ISLR: variants seen among roughly 807,000 people sequenced by gnomAD.
The protein encoded by ISLR is immunoglobulin superfamily containing leucine rich repeat, also known as immunoglobulin superfamily containing leucine-rich repeat protein.
Under a neutral mutation model 11.0 loss-of-function variants are expected in ISLR, and 9 were observed. The ratio of observed to expected loss-of-function variants is 0.82; its 90% CI spans 0.49 to 1.43. The LOEUF (loss-of-function observed/expected upper bound fraction) is 1.43, where lower values mean the gene tolerates loss of function less well. ISLR is among the 40% of genes most tolerant of loss of function. ISLR has a pLI of 0.00. For synonymous variants in ISLR, 262 were observed against 264.1 expected (o/e 0.99, Z 0.08); for missense variants, 510 against 576.4 (o/e 0.88, Z 1.18).
rs776946955 is a variant in ISLR, at chr15:74,175,992, A to T, written c.1134A>T (p.Pro378=). 1 of 1,612,894 alleles carries T rather than the reference A, an allele frequency of 6.2e-7. No individual in the cohort carries two copies. Among genetic ancestry groups the T allele is most frequent in the Non-Finnish European group, 8.5e-7 (1 of 1,179,172 alleles). ...ATACGGTTGACAACGAGGTGCAGCC[A>T]TCAGGGCCGGAGGACAATGTGGTCA... The part of the protein sequence containing the change: ...GCYTVDNEVQ[P]SGPEDNVVII... The change falls in exon 2 of 2, where the codon CCA becomes CCT. Residue 378 remains proline, a synonymous_variant. Coordinates refer to ENST00000249842, the MANE Select transcript of ISLR (RefSeq NM_005545.4). This position sits in a 1 kb window ranked among gnomAD's most constrained non-coding sequence, Gnocchi z 4.7.
chr15:74,175,568 G>A lies in ISLR; in HGVS notation c.710G>A (p.Ser237Asn), dbSNP rs747651717. Residue 237 changes from serine (S) to asparagine (N), a missense_variant, in exon 2 of 2, where the codon AGC becomes AAC. Transcript: ENST00000249842. This position sits in a 1 kb window ranked among gnomAD's most constrained non-coding sequence, Gnocchi z 4.7. ...LPCSAPSVQLSYQPSQDGAEL... is the reference protein window; with the variant it reads ...LPCSAPSVQLNYQPSQDGAEL... The stretch of plus-strand genomic sequence containing the variant: ...TGCTCGGCGCCCTCAGTGCAGCTCA[G>A]CTACCAACCCAGCCAGGATGGTGCC... 9 of 1,612,710 alleles carry A rather than the reference G, an allele frequency of 5.6e-6. No homozygotes were observed. In the East Asian group the frequency reaches 2.0e-4, roughly 36 times the overall value.
At chr15:74,174,662 C>G (rs1318345670) in intron 1 of ISLR, 189 bp from the exon 2 acceptor site, 1 of 513,236 alleles carries the variant, frequency 1.9e-6, no homozygotes, top group Non-Finnish European at 3.4e-6. Context: ...GGGCAAGTCT[C>G]CGCCCTTCTC....
At chr15:74,174,436 A>T in intron 1 of ISLR, 1 of 168,522 alleles carries the variant, frequency 5.9e-6, no homozygotes, top group East Asian at 1.8e-4. Context: ...AAGGCAAAGC[A>T]TACCTATGGG....
In ISLR at chr15:74,174,886, G is replaced by A; in HGVS notation, c.28G>A (p.Ala10Thr). ...GCAGGAGCTGCATCTGCTCTGGTGGGCGCTTCTCCTGGGCCTGGCTCAGGC... is the reference window on the plus strand; with the variant it reads ...GCAGGAGCTGCATCTGCTCTGGTGGACGCTTCTCCTGGGCCTGGCTCAGGC... MQELHLLWW[A>T]LLLGLAQACP... is the part of the protein sequence containing the mutation. The change falls in exon 2 of 2, where the codon GCG becomes ACG. Residue 10 changes from alanine (A) to threonine (T), a missense_variant. Coordinates refer to ENST00000249842, the MANE Select transcript of ISLR (RefSeq NM_005545.4). 1 of 1,541,292 alleles carries A rather than the reference G, an allele frequency of 6.5e-7. No individual in the cohort carries two copies. The highest frequency in any genetic ancestry group is 8.7e-7 in the Non-Finnish European group (1 of 1,149,400).
chr15:74,175,711 G>C lies in ISLR; in HGVS notation c.853G>C (p.Val285Leu), dbSNP rs370331490. 6.2e-7 allele frequency: 1 copy of C among 1,614,090 alleles called. No homozygotes were observed. The highest frequency in any genetic ancestry group is 1.7e-5 in the Admixed American group (1 of 60,034). The change falls in exon 2 of 2, where the codon GTG becomes CTG. Residue 285 changes from valine (V) to leucine (L), a missense_variant. Val to Leu is a conservative substitution (Grantham distance 32). Coordinates refer to ENST00000249842, the MANE Select transcript of ISLR (RefSeq NM_005545.4). This position sits in a 1 kb window ranked among gnomAD's most constrained non-coding sequence, Gnocchi z 4.7. ...CATTGTGGAGATCACCAGCCCCAACGTGGGCACTGATGGGCGTGCCCTGCC... is the reference window on the plus strand; with the variant it reads ...CATTGTGGAGATCACCAGCCCCAACCTGGGCACTGATGGGCGTGCCCTGCC... Reference protein sequence around the residue: ...SGIVEITSPNVGTDGRALPGT... With the variant: ...SGIVEITSPNLGTDGRALPGT...
In ISLR at chr15:74,175,273, C is replaced by A. The variant is rs762162482; in HGVS notation, c.415C>A (p.Arg139Ser). ...MDSNELTFIP[R>S]DAFRSLRALR... ...CAGCAACGAGCTGACCTTCATCCCC[C>A]GCGACGCCTTCCGCAGCCTCCGTGC... The change falls in exon 2 of 2, where the codon CGC (arginine) becomes AGC (serine). Residue 139 changes from arginine (R) to serine (S), a missense_variant. Arg to Ser is a moderately radical substitution (Grantham distance 110). Transcript: ENST00000249842. This position sits in a 1 kb window ranked among gnomAD's most constrained non-coding sequence, Gnocchi z 4.7. 2 of 1,612,772 alleles carry A rather than the reference C, an allele frequency of 1.2e-6. No homozygotes were observed.
In ISLR at chr15:74,174,887, C is replaced by G. The variant is rs1011177875; in HGVS notation, c.29C>G (p.Ala10Gly). 5.8e-6 allele frequency: 9 copies of G among 1,541,428 alleles called. No individual in the cohort carries two copies. The highest frequency in any genetic ancestry group is 7.8e-6 in the Non-Finnish European group (9 of 1,149,600). Residue 10 changes from alanine to glycine, a missense_variant, in exon 2 of 2, where the codon GCG (alanine) becomes GGG (glycine). Coordinates refer to ENST00000249842, the MANE Select transcript of ISLR (RefSeq NM_005545.4). Reference protein sequence around the residue: MQELHLLWWALLLGLAQACP... With the variant: MQELHLLWWGLLLGLAQACP... ...CAGGAGCTGCATCTGCTCTGGTGGGCGCTTCTCCTGGGCCTGGCTCAGGCC... is the reference window on the plus strand; with the variant it reads ...CAGGAGCTGCATCTGCTCTGGTGGGGGCTTCTCCTGGGCCTGGCTCAGGCC...
rs755857844 is a variant in ISLR, at chr15:74,176,218, G to A, written c.*73G>A. On this transcript the variant is annotated 3_prime_UTR_variant, in exon 2 of 2. Transcript: ENST00000249842. ...CCTTTAAGTGCTGCAGGGGTCTGGG[G>A]TTGGCAACTCCTGAGGCCTGCATGG... 1.4e-4 allele frequency: 179 copies of A among 1,300,398 alleles called. No individual in the cohort carries two copies. The highest frequency in any genetic ancestry group is 8.8e-5 in the Non-Finnish European group (83 of 947,532). The allele number at this position is 1,300,398 out of a possible 1,614,324, so 80.6% of individuals were successfully genotyped here. A position where few individuals can be genotyped will look rare whatever the true frequency, so the allele number is the denominator to read the frequency against.
chr15:74,175,037 A>T lies in ISLR; in HGVS notation c.179A>T (p.Asn60Ile), dbSNP rs1396001552. 6.2e-7 allele frequency: 1 copy of T among 1,610,996 alleles called. No individual in the cohort carries two copies. The change falls in exon 2 of 2, where the codon AAC becomes ATC. Residue 60 changes from asparagine (N) to isoleucine (I), a missense_variant. Physicochemically the swap from Asn to Ile is moderately radical, Grantham distance 149 (BLOSUM62 -3). Transcript: ENST00000249842. The surrounding 1 kb of genome is among the most constrained non-coding windows in gnomAD (Gnocchi z 4.7). Reference protein sequence around the residue: ...ANVTTLSLSANRLPGLPEGAF... With the variant: ...ANVTTLSLSAIRLPGLPEGAF... Reference sequence around the variant, plus strand: ...GTGACTACACTGAGCCTGTCAGCCAACCGGCTGCCAGGCTTGCCGGAGGGT... The same window carrying T: ...GTGACTACACTGAGCCTGTCAGCCATCCGGCTGCCAGGCTTGCCGGAGGGT...
Position 74,175,442 on chromosome 15 carries a change from C to T in ISLR, c.584C>T (p.Ala195Val). The T allele has an allele frequency of 1.2e-6, 2 of 1,611,870 alleles. No homozygotes were observed. The highest frequency in any genetic ancestry group is 1.7e-6 in the Non-Finnish European group (2 of 1,179,972). Residue 195 changes from alanine (A) to valine (V), a missense_variant, in exon 2 of 2, where the codon GCC becomes GTC. Coordinates refer to ENST00000249842, the MANE Select transcript of ISLR (RefSeq NM_005545.4). The surrounding 1 kb of genome is among the most constrained non-coding windows in gnomAD (Gnocchi z 4.7). ...GGCATCGTGTGGCTCAAGACATGGG[C>T]CCTGACCACGGCCGTGTCCATCCCG... ...TCGIVWLKTWALTTAVSIPEQ... is the reference protein window; with the variant it reads ...TCGIVWLKTWVLTTAVSIPEQ...
Position 74,175,255 on chromosome 15 carries a change from G to A in ISLR, c.397G>A (p.Glu133Lys), listed in dbSNP as rs775811476. Residue 133 changes from glutamate to lysine, a missense_variant, in exon 2 of 2, where the codon GAG becomes AAG. Transcript: ENST00000249842. This position sits in a 1 kb window ranked among gnomAD's most constrained non-coding sequence, Gnocchi z 4.7. ...ALQLLKMDSN[E>K]LTFIPRDAFR... ...CCAATTGCTCAAGATGGACAGCAAC[G>A]AGCTGACCTTCATCCCCCGCGACGC... The A allele has an allele frequency of 1.1e-5, 17 of 1,613,082 alleles. No homozygotes were observed. Among genetic ancestry groups the A allele is most frequent in the East Asian group, 2.2e-5 (1 of 44,888 alleles).
At chr15:74,174,734 C>T (rs1188619960) in intron 1 of ISLR, 117 bp from the exon 2 acceptor site, 13 of 732,408 alleles carry the variant, frequency 1.8e-5, no homozygotes, top group Non-Finnish European at 2.7e-5. Context: ...TGGGATTTAG[C>T]TGGGTTATGT....
chr15:74,175,189 T>G lies in ISLR; in HGVS notation c.331T>G (p.Ser111Ala), dbSNP rs765878671. The G allele has an allele frequency of 3.4e-5, 55 of 1,613,242 alleles. 1 individual carries two copies. The Middle Eastern group carries it at 6.6e-4, about 19-fold the overall frequency. The change falls in exon 2 of 2, where the codon TCT becomes GCT. Residue 111 changes from serine to alanine, a missense_variant. Ser to Ala is a moderately conservative substitution (Grantham distance 99). Coordinates refer to ENST00000249842, the MANE Select transcript of ISLR (RefSeq NM_005545.4). This position sits in a 1 kb window ranked among gnomAD's most constrained non-coding sequence, Gnocchi z 4.7. ...CCTGGACCTCAGCCACAATCTCATC[T>G]CTGACTTTGCCTGGAGCGACCTGCA... The part of the protein sequence containing the change: ...KSLDLSHNLI[S>A]DFAWSDLHNL...
intron 1 of ISLR, chr15:74,174,386 T>G: frequency 5.4e-5 from 8 of 147,756 alleles, no homozygotes; most frequent in Non-Finnish European, 8.7e-5. Flanking sequence ...GTGGAGTGGA[T>G]GGGGGTGGTG....
chr15:74,175,014 G>A lies in ISLR; in HGVS notation c.156G>A (p.Val52=). ...ESVPPGFPAN[V]TTLSLSANRL... Reference sequence around the variant, plus strand: ...TGCCGCCTGGCTTCCCGGCCAATGTGACTACACTGAGCCTGTCAGCCAACC... The same window carrying A: ...TGCCGCCTGGCTTCCCGGCCAATGTAACTACACTGAGCCTGTCAGCCAACC... Residue 52 remains valine (V), a synonymous_variant, in exon 2 of 2, where the codon GTG becomes GTA. Coordinates refer to ENST00000249842, the MANE Select transcript of ISLR (RefSeq NM_005545.4). The surrounding 1 kb of genome is among the most constrained non-coding windows in gnomAD (Gnocchi z 4.7). The A allele has an allele frequency of 6.2e-7, 1 of 1,612,750 alleles. No individual in the cohort carries two copies. Among genetic ancestry groups the A allele is most frequent in the Middle Eastern group, 1.7e-4 (1 of 6,050 alleles).
At position 74,175,053 on chromosome 15, in the gene ISLR, G is replaced by A; in HGVS notation, c.195G>A (p.Leu65=). 6.2e-7 allele frequency: 1 copy of A among 1,611,320 alleles called. No individual in the cohort carries two copies. The highest frequency in any genetic ancestry group is 8.5e-7 in the Non-Finnish European group (1 of 1,178,978). ...TGTCAGCCAACCGGCTGCCAGGCTT[G>A]CCGGAGGGTGCCTTCAGGGAGGTGC... ...LSLSANRLPG[L]PEGAFREVPL... Residue 65 remains leucine, a synonymous_variant, in exon 2 of 2, where the codon TTG becomes TTA. Coordinates refer to ENST00000249842, the MANE Select transcript of ISLR (RefSeq NM_005545.4). The surrounding 1 kb of genome is among the most constrained non-coding windows in gnomAD (Gnocchi z 4.7).
chr15:74,173,842 G>A lies in ISLR; in HGVS notation c.-186G>A, dbSNP rs74023446. 0.015 allele frequency: 2,324 copies of A among 154,460 alleles called. 65 individuals carry two copies. The highest frequency in any genetic ancestry group is 0.053 in the African/African-American group (2,214 of 41,640). The allele number at this position is 154,460 out of a possible 1,614,324, so 9.6% of individuals were successfully genotyped here. On this transcript the variant is annotated 5_prime_UTR_variant, in exon 1 of 2. Transcript: ENST00000249842. ...GGATGGTTCCAGGCACCCTGTCTGG[G>A]GCAGGGAGGGCACAGGCCTGCACAT... is the stretch of plus-strand genomic sequence containing the variant.
Position 74,175,002 on chromosome 15 carries a change from C to T in ISLR, c.144C>T (p.Phe48=). 1 of 1,612,750 alleles carries T rather than the reference C, an allele frequency of 6.2e-7. No individual in the cohort carries two copies. Among genetic ancestry groups the T allele is most frequent in the Non-Finnish European group, 8.5e-7 (1 of 1,179,664 alleles). ...YRDLESVPPG[F]PANVTTLSLS... is the part of the protein sequence containing the mutation. ...ACCTAGAATCCGTGCCGCCTGGCTTCCCGGCCAATGTGACTACACTGAGCC... is the reference window on the plus strand; with the variant it reads ...ACCTAGAATCCGTGCCGCCTGGCTTTCCGGCCAATGTGACTACACTGAGCC... The change falls in exon 2 of 2, where the codon TTC becomes TTT. Residue 48 remains phenylalanine (F), a synonymous_variant. Transcript: ENST00000249842. The surrounding 1 kb of genome is among the most constrained non-coding windows in gnomAD (Gnocchi z 4.7).
At chr15:74,174,602 G>A (rs560974027) in intron 1 of ISLR, 1 of 426,408 alleles carries the variant, frequency 2.3e-6, no homozygotes, top group Admixed American at 3.9e-5. Flanking sequence ...CGGAGGAGGA[G>A]CTGGGGTCCT....
Sources: allele counts gnomAD v4.1 joint callset, GRCh38; gene constraint gnomAD v4.1.1; non-coding constraint Gnocchi (gnomAD v3.1); transcripts MANE v1.5; gene names NCBI Gene and HGNC (gene_info 2026-07-23, HGNC 2026-07-21).